UGT3A2: variants seen among roughly 807,000 people sequenced by gnomAD.
UGT3A2 encodes UDP-glycosyltransferase 3A2.
Under a neutral mutation model 39.8 loss-of-function variants are expected in UGT3A2, and 32 were observed. The observed-to-expected ratio is 0.80, with a 90% CI of 0.61 to 1.08. UGT3A2 has a LOEUF of 1.08. UGT3A2 is among the 50% of genes least tolerant of loss of function. UGT3A2 has a pLI of 0.00. For missense variants in UGT3A2, 611 were observed against 637.1 expected, an observed-to-expected ratio of 0.96 and a Z score of 0.44; for synonymous variants, 241 against 230.7, an observed-to-expected ratio of 1.04 and a Z score of -0.40.
rs777551593 is a variant in UGT3A2, at chr5:36,064,266, C to G, written c.179G>C (p.Arg60Thr). The G allele has an allele frequency of 1.9e-6, 3 of 1,614,080 alleles. No homozygotes were observed. Among genetic ancestry groups the G allele is most frequent in the Non-Finnish European group, 2.5e-6 (3 of 1,179,980 alleles). Residue 60 changes from arginine (R) to threonine (T), a missense_variant, in exon 2 of 7, where the codon AGA becomes ACA. By Grantham distance (71) the Arg-to-Thr change is moderately conservative. Coordinates refer to ENST00000282507, the MANE Select transcript of UGT3A2 (RefSeq NM_174914.4). ...GHNVTMLNHK[R>T]GPFMPDFKKE... ...AAAGATACCTGGCATAAAAGGACCT[C>G]TTTTGTGGTTAAGCATGGTGACATT... is the stretch of plus-strand genomic sequence containing the variant.
rs1266285092 is a variant in UGT3A2 at position 36,035,075 on chromosome 5, C to T, written c.*623G>A. On this transcript the variant is annotated 3_prime_UTR_variant, in exon 7 of 7. Transcript: ENST00000282507. ...TTTTATTTTTCAGGAAATCTGGAAA[C>T]CTACAGTCTCCAAGCCTGCTCAGCC... The T allele has an allele frequency of 6.5e-6, 1 of 152,704 alleles. No individual in the cohort carries two copies. Among genetic ancestry groups the T allele is most frequent in the East Asian group, 1.9e-4 (1 of 5,334 alleles). The allele number at this position is 152,704 out of a possible 1,614,324, so 9.5% of individuals were successfully genotyped here.
chr5:36,062,201 A>C (rs1248579402), intron 2 of UGT3A2, among the ~76,000 whole-genome samples: 1 of 148,766 alleles, frequency 6.7e-6, no homozygotes, highest in African/African-American at 2.5e-5. Context: ...TTGCCTGTTC[A>C]CTCTGATGGT....
intron 2 of UGT3A2, among the ~76,000 whole-genome samples, chr5:36,056,378 G>A (rs1258178262): frequency 1.3e-5 from 2 of 152,168 alleles, no homozygotes; most frequent in Non-Finnish European, 2.9e-5. Flanking sequence ...TTATCTGCAG[G>A]GCAAGTGGGG....
chr5:36,053,831 G>C (rs936146124), intron 2 of UGT3A2, among the ~76,000 whole-genome samples: 2 of 152,164 alleles, frequency 1.3e-5, no homozygotes, highest in Admixed American at 1.3e-4. Flanking sequence ...AAGGCTACCT[G>C]CATCCCTGGC....
intron 6 of UGT3A2, among the ~76,000 whole-genome samples, chr5:36,037,456 TG>T (rs1204680754): frequency 6.6e-6 from 1 of 152,020 alleles, no homozygotes; most frequent in East Asian, 1.9e-4. Context: ...GCGGAGTATT[TG>T]GGTAACAGAA....
chr5:36,056,494 A>T (rs955000300), intron 2 of UGT3A2, among the ~76,000 whole-genome samples: 3 of 152,306 alleles, frequency 2.0e-5, no homozygotes, highest in Middle Eastern at 3.4e-3. Context: ...CAAGTAATAA[A>T]TCCACTTCAT....
At chr5:36,041,694 C>T (rs568306006) in intron 4 of UGT3A2, among the ~76,000 whole-genome samples, 1 of 152,304 alleles carries the variant, frequency 6.6e-6, no homozygotes, top group East Asian at 1.9e-4. Context: ...GGAGTGCCCC[C>T]TAATGCAGAC....
chr5:36,036,748 C>T lies in UGT3A2; in HGVS notation c.1296-774G>A, dbSNP rs191290008. Among the ~76,000 whole-genome samples the T allele has an allele frequency of 6.0e-3, 917 of 152,290 alleles. 2 individuals are homozygous for T. Among genetic ancestry groups the T allele is most frequent in the Non-Finnish European group, 9.6e-3 (656 of 68,020 alleles). ...TTCTAAGTCTAAGAACCATGAGCTACGTGGTTGTTTTAAGTCATCTAGCTA... is the reference window on the plus strand; with the variant it reads ...TTCTAAGTCTAAGAACCATGAGCTATGTGGTTGTTTTAAGTCATCTAGCTA... On this transcript the variant is annotated intron_variant, in intron 6 of 6. Coordinates refer to ENST00000282507, the MANE Select transcript of UGT3A2 (RefSeq NM_174914.4).
At chr5:36,065,003 G>T (rs888745389) in intron 1 of UGT3A2, among the ~76,000 whole-genome samples, 5 of 152,302 alleles carry the variant, frequency 3.3e-5, no homozygotes, top group Middle Eastern at 3.4e-3. Context: ...CGCTTGGGGT[G>T]GGCCTGCTGG....
intron 4 of UGT3A2, among the ~76,000 whole-genome samples, chr5:36,040,917 G>A (rs1179712087): frequency 1.3e-5 from 2 of 152,028 alleles, no homozygotes; most frequent in Non-Finnish European, 2.9e-5. Flanking sequence ...GGAGAGGGAA[G>A]AGTTAAAAAG....
chr5:36,065,846 C>A (rs1297719405), intron 1 of UGT3A2, among the ~76,000 whole-genome samples: 1 of 152,126 alleles, frequency 6.6e-6, no homozygotes, highest in Admixed American at 6.5e-5. Context: ...CTTCCCAGCC[C>A]TACGAGCCCT....
intron 4 of UGT3A2, among the ~76,000 whole-genome samples, chr5:36,046,812 A>T (rs530014420): frequency 6.6e-6 from 1 of 152,350 alleles, no homozygotes; most frequent in East Asian, 1.9e-4. Flanking sequence ...TGGATTAAAA[A>T]AATAATAATA....
At chr5:36,051,099 G>A (rs1742328380) in intron 3 of UGT3A2, among the ~76,000 whole-genome samples, 1 of 152,156 alleles carries the variant, frequency 6.6e-6, no homozygotes, top group South Asian at 2.1e-4. Context: ...GTATAGAGGA[G>A]AGAACGTGGT....
intron 4 of UGT3A2, 149 bp from the exon 5 acceptor site, chr5:36,039,857 C>G (rs1741952739): frequency 7.7e-6 from 5 of 647,436 alleles, no homozygotes; most frequent in South Asian, 3.8e-5. Context: ...TAGCTCGATA[C>G]TAGCTGCACT....
intron 5 of UGT3A2, among the ~76,000 whole-genome samples, chr5:36,038,221 C>G (rs1166268220): frequency 6.6e-6 from 1 of 152,162 alleles, no homozygotes; most frequent in Non-Finnish European, 1.5e-5. Flanking sequence ...AACATCTTCC[C>G]TCAGCCAGAA....
rs1191678512 is a variant in UGT3A2, at chr5:36,039,646, G to A, written c.906C>T (p.Ser302=). 1 of 1,614,198 alleles carries A rather than the reference G, an allele frequency of 6.2e-7. No homozygotes were observed. The highest frequency in any genetic ancestry group is 8.5e-7 in the Non-Finnish European group (1 of 1,180,036). The change falls in exon 5 of 7, where the codon TCC becomes TCT. Residue 302 remains serine (S), a synonymous_variant. Transcript: ENST00000282507. ...CCGGATTCTGACAGGTGTTCACCAT[G>A]GAGCCCAAGGTCACAAGGACAAAAC... ...DSGFVLVTLG[S]MVNTCQNPEI...
At chr5:36,066,058 G>A (rs1742869324) in intron 1 of UGT3A2, among the ~76,000 whole-genome samples, 1 of 152,074 alleles carries the variant, frequency 6.6e-6, no homozygotes, top group Non-Finnish European at 1.5e-5. Context: ...CTCAAATAAC[G>A]GTCAGCGGCA....
intron 1 of UGT3A2, among the ~76,000 whole-genome samples, chr5:36,066,463 G>A (rs1267831629): frequency 1.3e-5 from 2 of 152,164 alleles, no homozygotes; most frequent in Non-Finnish European, 2.9e-5. Flanking sequence ...GTCCTGAACA[G>A]GAAGAAGACA....
At chr5:36,064,969 A>C (rs1163465068) in intron 1 of UGT3A2, among the ~76,000 whole-genome samples, 1 of 152,194 alleles carries the variant, frequency 6.6e-6, no homozygotes. Context: ...GTTCTAATTA[A>C]GACATTTGAG....
Sources: allele counts gnomAD v4.1 joint callset (sites outside exome capture counted in the v4.1 genomes callset), GRCh38; gene constraint gnomAD v4.1.1; transcripts MANE v1.5; gene names NCBI Gene and HGNC (gene_info 2026-07-23, HGNC 2026-07-21).